GRIK4: variants seen among roughly 807,000 people sequenced by gnomAD.
GRIK4 encodes the protein glutamate ionotropic receptor kainate type subunit 4, also known as glutamate receptor ionotropic, kainate 4.
In GRIK4, 40 loss-of-function variants were observed where a neutral mutation model predicts 104.9. The ratio of observed to expected loss-of-function variants is 0.38; its 90% CI spans 0.30 to 0.50. The LOEUF is 0.50. Among genes scored for constraint, GRIK4 ranks in the 20% least tolerant of loss-of-function variants. The pLI is 0.93. For missense variants in GRIK4, 1,047 were observed against 1,308.1 expected, an observed-to-expected ratio of 0.80 and a Z score of 3.08; for synonymous variants, 485 against 524.9, an observed-to-expected ratio of 0.92 and a Z score of 1.04.
At chr11:120,609,786 T>C (rs1387179180) in intron 1 of GRIK4, among the ~76,000 whole-genome samples, 5 of 152,150 alleles carry the variant, frequency 3.3e-5, no homozygotes, top group Non-Finnish European at 5.9e-5. Flanking sequence ...ATTGCTGGGA[T>C]TACAGGCATG....
intron 1 of GRIK4, among the ~76,000 whole-genome samples, chr11:120,616,025 T>C (rs1311663389): frequency 6.6e-6 from 1 of 152,170 alleles, no homozygotes; most frequent in Non-Finnish European, 1.5e-5. Context: ...AGGACCCAGC[T>C]GTCTGCTGGC....
intron 1 of GRIK4, among the ~76,000 whole-genome samples, chr11:120,597,353 G>A (rs1316113575): frequency 6.6e-6 from 1 of 152,208 alleles, no homozygotes; most frequent in Non-Finnish European, 1.5e-5. Context: ...GTGAGATCAT[G>A]TATGCAAAGC....
At chr11:120,541,113 G>A (rs1948030135) in intron 1 of GRIK4, among the ~76,000 whole-genome samples, 1 of 152,246 alleles carries the variant, frequency 6.6e-6, no homozygotes, top group South Asian at 2.1e-4. Flanking sequence ...CTACCGGAAT[G>A]TGCTGTGCTA....
At chr11:120,601,837 C>T (rs547329986) in intron 1 of GRIK4, among the ~76,000 whole-genome samples, 1 of 151,950 alleles carries the variant, frequency 6.6e-6, no homozygotes, top group African/African-American at 2.4e-5. Context: ...TGTTCCTGGT[C>T]CAGGCTGAAT....
intron 1 of GRIK4, among the ~76,000 whole-genome samples, chr11:120,578,770 G>A (rs1037928782): frequency 2.0e-5 from 3 of 152,134 alleles, no homozygotes; most frequent in East Asian, 1.9e-4. Flanking sequence ...CGAACGCCCC[G>A]CCCGGCCCCT....
At chr11:120,792,354 C>T (rs1952413806) in intron 3 of GRIK4, among the ~76,000 whole-genome samples, 1 of 151,334 alleles carries the variant, frequency 6.6e-6, no homozygotes, top group African/African-American at 2.4e-5. Context: ...AGAGTCAAGT[C>T]AGATCTTGTG....
At chr11:120,937,434 A>G (rs1591305990) in intron 13 of GRIK4, among the ~76,000 whole-genome samples, 1 of 152,214 alleles carries the variant, frequency 6.6e-6, no homozygotes, top group East Asian at 1.9e-4. Flanking sequence ...CCTTCAAGCT[A>G]AAGTAGGTAA....
rs1286876568 is a variant in GRIK4 at position 120,787,864 on chromosome 11, T to C, written c.83-14829T>C. On this transcript the variant is annotated intron_variant, in intron 3 of 20. Transcript: ENST00000527524. ...TTTCTTTTCTTTTCTTTTTTTTTTT[T>C]TTTTTTTTTTTTTTTTTGAGATGGA... Among the ~76,000 whole-genome samples the C allele has an allele frequency of 2.8e-3, 316 of 114,506 alleles. 7 individuals are homozygous for C. Among genetic ancestry groups the C allele is most frequent in the Non-Finnish European group, 4.2e-3 (232 of 55,814 alleles). The allele number at this position is 114,506 out of a possible 152,430, so 75.1% of individuals were successfully genotyped here.
At chr11:120,711,702 C>T (rs1950736954) in intron 3 of GRIK4, among the ~76,000 whole-genome samples, 1 of 152,190 alleles carries the variant, frequency 6.6e-6, no homozygotes, top group African/African-American at 2.4e-5. Flanking sequence ...CCAAAATGTC[C>T]ATTGCAGGAT....
chr11:120,929,654 T>G (rs750692372), intron 13 of GRIK4, among the ~76,000 whole-genome samples: 3 of 152,150 alleles, frequency 2.0e-5, no homozygotes, highest in Non-Finnish European at 4.4e-5. Flanking sequence ...GCCTGTCATC[T>G]CCATTCCTTC....
intron 13 of GRIK4, among the ~76,000 whole-genome samples, chr11:120,925,844 T>C (rs983170800): frequency 1.3e-5 from 2 of 151,592 alleles, no homozygotes; most frequent in African/African-American, 4.8e-5. Flanking sequence ...TGTGGTGGTG[T>C]GCGCCTGTAA....
At chr11:120,912,874 G>A (rs1943030789) in intron 13 of GRIK4, among the ~76,000 whole-genome samples, 1 of 152,176 alleles carries the variant, frequency 6.6e-6, no homozygotes, top group African/African-American at 2.4e-5. Context: ...GCGGGATGGA[G>A]GCTGGAGATG....
intron 3 of GRIK4, among the ~76,000 whole-genome samples, chr11:120,784,350 C>T (rs1392049137): frequency 6.6e-6 from 1 of 152,164 alleles, no homozygotes. Flanking sequence ...CAGATAACTC[C>T]AAGGTGGAAA....
At chr11:120,567,403 C>T (rs546191570) in intron 1 of GRIK4, among the ~76,000 whole-genome samples, 3 of 152,266 alleles carry the variant, frequency 2.0e-5, no homozygotes, top group Admixed American at 6.5e-5. Flanking sequence ...AAGCAATCCT[C>T]CCACCTCGGC....
intron 1 of GRIK4, among the ~76,000 whole-genome samples, chr11:120,631,099 A>C (rs1480625019): frequency 1.3e-5 from 2 of 152,210 alleles, no homozygotes; most frequent in East Asian, 3.9e-4. Context: ...ATATTGTGAG[A>C]ATGAACAGAG....
At chr11:120,961,979 T>C (rs1329140426) in intron 17 of GRIK4, among the ~76,000 whole-genome samples, 1 of 152,190 alleles carries the variant, frequency 6.6e-6, no homozygotes, top group African/African-American at 2.4e-5. Flanking sequence ...ATTGGATATG[T>C]GATTGATCAA....
intron 15 of GRIK4, among the ~76,000 whole-genome samples, chr11:120,955,607 C>A (rs1304773574): frequency 6.6e-6 from 1 of 152,194 alleles, no homozygotes; most frequent in East Asian, 1.9e-4. Flanking sequence ...AGGGGCCATT[C>A]AGAGAGACGC....
At chr11:120,773,464 C>T (rs1373252633) in intron 3 of GRIK4, among the ~76,000 whole-genome samples, 2 of 152,150 alleles carry the variant, frequency 1.3e-5, no homozygotes, top group East Asian at 1.9e-4. Flanking sequence ...GGAAAACCAC[C>T]AGGGACCAAA....
At chr11:120,920,814 G>A (rs372377055) in intron 13 of GRIK4, among the ~76,000 whole-genome samples, 1 of 151,610 alleles carries the variant, frequency 6.6e-6, no homozygotes, top group African/African-American at 2.4e-5. Flanking sequence ...TCTTCAATGA[G>A]CATAAACATT....
Sources: gnomAD v4.1 joint callset for allele counts (sites outside exome capture counted in the v4.1 genomes callset) on GRCh38, gnomAD v4.1.1 for gene constraint, MANE v1.5 for transcripts, NCBI Gene and HGNC (gene_info 2026-07-23, HGNC 2026-07-21) for gene names.